The following FOXN3 variants were observed in gnomAD, a reference collection of about 807,000 sequenced individuals.
The protein encoded by FOXN3 is forkhead box protein N3.
In FOXN3, 7 loss-of-function variants were observed where a neutral mutation model predicts 38.4. The ratio of observed to expected loss-of-function variants is 0.18; its 90% CI spans 0.10 to 0.34. The LOEUF is 0.34. FOXN3 is among the 10% of genes least tolerant of loss of function. FOXN3 has a pLI of 1.00. For synonymous variants in FOXN3, 230 were observed against 242.2 expected (o/e 0.95, Z 0.47); for missense variants, 456 against 613.4 (o/e 0.74, Z 2.71).
chr14:89,464,793 G>A (rs1384732491), intron 1 of FOXN3, among the ~76,000 whole-genome samples: 1 of 152,110 alleles, frequency 6.6e-6, no homozygotes, highest in Non-Finnish European at 1.5e-5. Flanking sequence ...CACCTCCGGG[G>A]CTCAAGCGAT....
Position 89,350,777 on chromosome 14 carries a change from T to A in FOXN3, c.575A>T (p.Asp192Val). 1 of 1,592,678 alleles carries A rather than the reference T, an allele frequency of 6.3e-7. No homozygotes were observed. Among genetic ancestry groups the A allele is most frequent in the Non-Finnish European group, 8.5e-7 (1 of 1,172,432 alleles). ...SIGKGSLWCI[D>V]PEYRQNLIQA... ...AATTAGATTTTGTCTATACTCTGGG[T>A]CTATGCACCACAACGACCCTTTCCC... Residue 192 changes from aspartate to valine, a missense_variant, in exon 3 of 6, where the codon GAC becomes GTC. Asp to Val is a radical substitution (Grantham distance 152). This residue lies in a region of FOXN3 where 386 missense variants were observed against 505.2 expected (regional missense o/e 0.76). Coordinates refer to ENST00000557258, the MANE Select transcript of FOXN3 (RefSeq NM_005197.4).
intron 2 of FOXN3, among the ~76,000 whole-genome samples, chr14:89,406,698 A>G (rs1008406549): frequency 6.6e-6 from 1 of 152,222 alleles, no homozygotes; most frequent in Non-Finnish European, 1.5e-5. Flanking sequence ...TGGATATAAT[A>G]AACATACTTT....
At chr14:89,375,830 C>T (rs893645813) in intron 2 of FOXN3, among the ~76,000 whole-genome samples, 3 of 151,954 alleles carry the variant, frequency 2.0e-5, no homozygotes, top group East Asian at 1.9e-4. Context: ...GATGCAATGG[C>T]GCAATCTTGA....
chr14:89,188,751 T>C (rs1887871842), intron 4 of FOXN3, among the ~76,000 whole-genome samples: 1 of 152,214 alleles, frequency 6.6e-6, no homozygotes, highest in South Asian at 2.1e-4. Flanking sequence ...GGTTGAGTTA[T>C]GCAACTTAAT....
intron 4 of FOXN3, among the ~76,000 whole-genome samples, chr14:89,225,247 G>A (rs1036137588): frequency 2.3e-4 from 35 of 152,126 alleles, no homozygotes; most frequent in African/African-American, 8.2e-4. Flanking sequence ...CGAAGCTGCA[G>A]TGAGATGCGA....
At chr14:89,588,809 T>C (rs1204200101) in intron 1 of FOXN3, among the ~76,000 whole-genome samples, 1 of 152,190 alleles carries the variant, frequency 6.6e-6, no homozygotes, top group African/African-American at 2.4e-5. Flanking sequence ...CCCAAGGCGT[T>C]AGATACCCAG....
At chr14:89,606,100 G>C (rs1896269730) in intron 1 of FOXN3, among the ~76,000 whole-genome samples, 1 of 151,528 alleles carries the variant, frequency 6.6e-6, no homozygotes. Context: ...TTAAAAATAA[G>C]AATTAGAGGC....
At chr14:89,282,399 C>T (rs1886491686) in intron 3 of FOXN3, among the ~76,000 whole-genome samples, 1 of 152,156 alleles carries the variant, frequency 6.6e-6, no homozygotes, top group Non-Finnish European at 1.5e-5. Context: ...TGGCCAGGAG[C>T]TTCACAGGGT....
intron 4 of FOXN3, among the ~76,000 whole-genome samples, chr14:89,213,118 G>C (rs1204256503): frequency 2.0e-5 from 3 of 152,140 alleles, no homozygotes; most frequent in Non-Finnish European, 4.4e-5. Context: ...GCACAGGGAA[G>C]TGTCAGAGCA....
At chr14:89,229,022 T>C (rs926648587) in intron 4 of FOXN3, among the ~76,000 whole-genome samples, 1 of 152,240 alleles carries the variant, frequency 6.6e-6, no homozygotes, top group African/African-American at 2.4e-5. Flanking sequence ...ATAATAGTCA[T>C]GAGAGAGCCT....
In FOXN3 at chr14:89,281,008, T is replaced by C. The variant is rs773498640; in HGVS notation, c.687A>G (p.Ser229=). ...TACTGCCCGGCCAGATGGGTGGACCTGATGTGCTGAAAGAGAAAAGAAACT... is the reference window on the plus strand; with the variant it reads ...TACTGCCCGGCCAGATGGGTGGACCCGATGTGCTGAAAGAGAAAAGAAACT... ...PTCPQAYQST[S]GPPIWPGSTF... The change falls in exon 4 of 6, where the codon TCA becomes TCG. Residue 229 remains serine, a synonymous_variant. Coordinates refer to ENST00000557258, the MANE Select transcript of FOXN3 (RefSeq NM_005197.4). The C allele has an allele frequency of 2.5e-6, 4 of 1,613,430 alleles. No homozygotes were observed. The highest frequency in any genetic ancestry group is 1.7e-6 in the Non-Finnish European group (2 of 1,179,764).
At chr14:89,554,356 C>G (rs1411640240) in intron 1 of FOXN3, among the ~76,000 whole-genome samples, 2 of 151,800 alleles carry the variant, frequency 1.3e-5, no homozygotes, top group Non-Finnish European at 2.9e-5. Flanking sequence ...AGGCTGGTCT[C>G]GAACTCCTGA....
chr14:89,372,570 C>T (rs1890352355), intron 2 of FOXN3, among the ~76,000 whole-genome samples: 1 of 152,074 alleles, frequency 6.6e-6, no homozygotes, highest in African/African-American at 2.4e-5. Flanking sequence ...ACAAGAGCAC[C>T]ATACAACCAA....
At chr14:89,453,675 A>C (rs757847405) in intron 1 of FOXN3, among the ~76,000 whole-genome samples, 8 of 152,200 alleles carry the variant, frequency 5.3e-5, no homozygotes, top group Non-Finnish European at 1.2e-4. Context: ...TGACCACAAA[A>C]TTGAAAAGAT....
intron 4 of FOXN3, among the ~76,000 whole-genome samples, chr14:89,226,769 G>C (rs1219664751): frequency 6.6e-6 from 1 of 152,124 alleles, no homozygotes; most frequent in Non-Finnish European, 1.5e-5. Flanking sequence ...TCTAATATAA[G>C]CAGTATCCTT....
chr14:89,171,880 A>G (rs531646296), intron 5 of FOXN3, among the ~76,000 whole-genome samples: 1 of 152,188 alleles, frequency 6.6e-6, no homozygotes, highest in African/African-American at 2.4e-5. Flanking sequence ...GGACTGTGCA[A>G]TAGGACAGGA....
intron 2 of FOXN3, among the ~76,000 whole-genome samples, chr14:89,380,046 T>TA (rs1890596457): frequency 6.6e-6 from 1 of 152,222 alleles, no homozygotes; most frequent in Admixed American, 6.5e-5. Flanking sequence ...TGTTCCTTGT[T>TA]AAAGTCTGAT....
intron 2 of FOXN3, among the ~76,000 whole-genome samples, chr14:89,399,580 G>A (rs741273): frequency 0.54 from 82,115 of 152,066 alleles, 22,987 homozygotes; most frequent in East Asian, 0.75. Context: ...ACCCTTGACT[G>A]TAACATTCTC....
chr14:89,589,892 G>GCA (rs975580865), intron 1 of FOXN3, among the ~76,000 whole-genome samples: 3 of 152,080 alleles, frequency 2.0e-5, no homozygotes, highest in African/African-American at 4.8e-5. Context: ...GCCCCTTCAG[G>GCA]CACCTCAGAG....
Sources: allele counts gnomAD v4.1 joint callset (sites outside exome capture counted in the v4.1 genomes callset), GRCh38; gene constraint gnomAD v4.1.1; regional missense constraint gnomAD v4.1.1; transcripts MANE v1.5; gene names NCBI Gene and HGNC (gene_info 2026-07-23, HGNC 2026-07-21).